Variants in MANBA observed in about 807,000 individuals in gnomAD.
MANBA encodes the protein mannosidase beta.
Under a neutral mutation model 111.1 loss-of-function variants are expected in MANBA, and 83 were observed. The observed-to-expected ratio is 0.75, with a 90% CI of 0.63 to 0.90. The LOEUF (loss-of-function observed/expected upper bound fraction) is 0.90, where lower values mean the gene tolerates loss of function less well. Ranked by LOEUF, MANBA falls within the 40% of genes least tolerant of loss-of-function variation. The probability of loss-of-function intolerance (pLI) is 0.00; values close to 1 mark genes in which losing one functional copy is unlikely to be tolerated. For synonymous variants in MANBA, 370 were observed against 378.7 expected (o/e 0.98, Z 0.27); for missense variants, 1,036 against 1,069.0 (o/e 0.97, Z 0.43).
intron 1 of MANBA, among the ~76,000 whole-genome samples, chr4:102,737,408 G>A (rs1263810071): frequency 3.3e-5 from 5 of 151,972 alleles, no homozygotes; most frequent in Admixed American, 2.0e-4. Flanking sequence ...CAGTGCTGTT[G>A]GGGGGGCACA....
At chr4:102,751,912 A>C in intron 1 of MANBA, 1 of 628,814 alleles carries the variant, frequency 1.6e-6, no homozygotes, top group Non-Finnish European at 3.1e-6. Flanking sequence ...CTCTTATGGG[A>C]GTGGAATAGA....
chr4:102,754,077 T>C (rs1331571899), intron 1 of MANBA: 1 of 274,618 alleles, frequency 3.6e-6, no homozygotes, highest in East Asian at 1.3e-4. Flanking sequence ...GAAATGCCCA[T>C]GTCACCAATA....
At chr4:102,689,474 C>G in intron 7 of MANBA, 100 bp downstream of exon 7, 1 of 747,122 alleles carries the variant, frequency 1.3e-6, no homozygotes, top group Non-Finnish European at 2.2e-6. Flanking sequence ...GGTGGGGACA[C>G]AAGAGTTTTG....
At chr4:102,751,238 T>C (rs540851823) in intron 1 of MANBA, among the ~76,000 whole-genome samples, 15 of 152,292 alleles carry the variant, frequency 9.8e-5, no homozygotes, top group Admixed American at 2.0e-4. Context: ...GAAAGAATGA[T>C]TGTGGGTGGA....
chr4:102,746,157 G>C (rs1211824049), intron 1 of MANBA, among the ~76,000 whole-genome samples: 1 of 152,150 alleles, frequency 6.6e-6, no homozygotes, highest in African/African-American at 2.4e-5. Flanking sequence ...GGCAAAAAAG[G>C]TTCATCAGAG....
chr4:102,689,348 C>CAAA (rs35110858), intron 7 of MANBA, among the ~76,000 whole-genome samples: 245 of 130,392 alleles, frequency 1.9e-3, no homozygotes, highest in African/African-American at 6.7e-3. Context: ...GACTCTGTCT[C>CAAA]AAAAAAAAAA....
intron 11 of MANBA, among the ~76,000 whole-genome samples, chr4:102,661,237 C>G (rs1190287175): frequency 2.6e-5 from 4 of 152,162 alleles, no homozygotes; most frequent in African/African-American, 4.8e-5. Context: ...ACCTTTTACT[C>G]GAAAGCCTTT....
chr4:102,687,364 C>T (rs1420000116), intron 7 of MANBA, among the ~76,000 whole-genome samples: 1 of 152,140 alleles, frequency 6.6e-6, no homozygotes, highest in African/African-American at 2.4e-5. Flanking sequence ...ATAATCCTTA[C>T]CCCCTCCTTA....
intron 1 of MANBA, among the ~76,000 whole-genome samples, chr4:102,730,352 G>A (rs1023842687): frequency 3.9e-5 from 6 of 152,164 alleles, no homozygotes; most frequent in Non-Finnish European, 7.4e-5. Context: ...TGTGCCACCT[G>A]GAGGGCTGTA....
intron 5 of MANBA, among the ~76,000 whole-genome samples, chr4:102,697,245 T>C (rs550594994): frequency 6.6e-6 from 1 of 152,172 alleles, no homozygotes; most frequent in Non-Finnish European, 1.5e-5. Context: ...TCAAGGATTA[T>C]TTTATGGAAA....
rs758537987 is a variant in MANBA at position 102,673,906 on chromosome 4, G to A, written c.1112+13C>T. ...ATTAAAAGAAGAACAAGAAAAGAAA[G>A]ACAATAACTTACAACTCAGAGGTTA... On this transcript the variant is annotated intron_variant, in intron 8 of 16. Coordinates refer to ENST00000647097, the MANE Select transcript of MANBA (RefSeq NM_005908.4). The A allele has an allele frequency of 6.2e-7, 1 of 1,602,514 alleles. No homozygotes were observed. The highest frequency in any genetic ancestry group is 1.3e-5 in the African/African-American group (1 of 74,754).
intron 5 of MANBA, among the ~76,000 whole-genome samples, chr4:102,697,787 T>C (rs1273613981): frequency 6.6e-6 from 1 of 151,950 alleles, no homozygotes; most frequent in Non-Finnish European, 1.5e-5. Flanking sequence ...TTCCAAGTCT[T>C]TGCTATTGTG....
At chr4:102,703,431 G>A (rs754463180) in intron 5 of MANBA, among the ~76,000 whole-genome samples, 4 of 152,134 alleles carry the variant, frequency 2.6e-5, no homozygotes, top group South Asian at 2.1e-4. Context: ...GCCCTTTCCC[G>A]AAAAGACCCC....
chr4:102,731,974 C>A (rs1723048454), intron 1 of MANBA, among the ~76,000 whole-genome samples: 1 of 151,906 alleles, frequency 6.6e-6, no homozygotes, highest in South Asian at 2.1e-4. Context: ...ATGGCGCAAT[C>A]CCAGCTCACT....
At chr4:102,691,205 T>C (rs1732459545) in intron 5 of MANBA, among the ~76,000 whole-genome samples, 1 of 152,116 alleles carries the variant, frequency 6.6e-6, no homozygotes, top group Non-Finnish European at 1.5e-5. Context: ...AAGGTATAAA[T>C]TTATATGTAT....
intron 1 of MANBA, among the ~76,000 whole-genome samples, chr4:102,745,495 C>A (rs542281276): frequency 3.9e-5 from 6 of 152,296 alleles, no homozygotes; most frequent in African/African-American, 1.4e-4. Flanking sequence ...CTTCTGGACC[C>A]TCCCAGCTGG....
chr4:102,754,919 T>G (rs1344541945), intron 1 of MANBA, among the ~76,000 whole-genome samples: 1 of 152,172 alleles, frequency 6.6e-6, no homozygotes, highest in Non-Finnish European at 1.5e-5. Context: ...TTAGAATGGA[T>G]GCACTGAATT....
chr4:102,690,752 C>T lies in MANBA; in HGVS notation c.693G>A (p.Trp231Ter), dbSNP rs763849774. ...CAAATGTAGACTCTATTTCCAGATTCCACTCCTGGGCACTCTTATCTAAAA... is the reference window on the plus strand; with the variant it reads ...CAAATGTAGACTCTATTTCCAGATTTCACTCCTGGGCACTCTTATCTAAAA... Reference protein sequence around the residue: ...SPIYDKSAQEWNLEIESTFDV... With the variant: ...SPIYDKSAQE The change falls in exon 6 of 17, where the codon TGG becomes TGA. Residue 231 changes from tryptophan (W) to a stop codon, truncating the protein, a stop_gained. Transcript: ENST00000647097. LOFTEE classifies it high-confidence loss of function. 32 of 1,567,472 alleles carry T rather than the reference C, an allele frequency of 2.0e-5. No individual in the cohort carries two copies. The highest frequency in any genetic ancestry group is 2.6e-5 in the Non-Finnish European group (30 of 1,150,998).
intron 5 of MANBA, among the ~76,000 whole-genome samples, chr4:102,713,811 G>C (rs200116000): frequency 6.7e-6 from 1 of 150,148 alleles, no homozygotes; most frequent in African/African-American, 2.5e-5. Flanking sequence ...CAGGAGAATC[G>C]CTTGAACCCG....
Sources: gnomAD v4.1 joint callset for allele counts (sites outside exome capture counted in the v4.1 genomes callset) on GRCh38, gnomAD v4.1.1 for gene constraint, MANE v1.5 for transcripts, NCBI Gene and HGNC (gene_info 2026-07-23, HGNC 2026-07-21) for gene names.